AAK1: variants seen among roughly 807,000 people sequenced by gnomAD.
The protein encoded by AAK1 is AP2 associated kinase 1.
AAK1 carries 37 observed loss-of-function variants against 116.0 expected under a neutral mutation model. The observed-to-expected ratio is 0.32, with a 90% confidence interval of 0.25 to 0.42. AAK1 has a LOEUF of 0.42. Among genes scored for constraint, AAK1 ranks in the 10% least tolerant of loss-of-function variants. The pLI is 1.00. For synonymous variants in AAK1, 458 were observed against 439.9 expected (o/e 1.04, Z -0.51); for missense variants, 919 against 1,170.6 (o/e 0.79, Z 3.14).
At chr2:69,484,014 G>A (rs1017414572) in intron 17 of AAK1, among the ~76,000 whole-genome samples, 3 of 152,176 alleles carry the variant, frequency 2.0e-5, no homozygotes, top group Non-Finnish European at 4.4e-5. Flanking sequence ...GGAATTTAGA[G>A]CTCACATTTC....
chr2:69,643,041 C>A lies in AAK1; in HGVS notation c.-1G>T, dbSNP rs1273383948. On this transcript the variant is annotated 5_prime_UTR_variant, in exon 2 of 22. Transcript: ENST00000409085. ...GCCGGGAGTCGAAAAACTTCTTCATCTTGCGAATAGGGAGCAGCAAAGCAA... is the reference window on the plus strand; with the variant it reads ...GCCGGGAGTCGAAAAACTTCTTCATATTGCGAATAGGGAGCAGCAAAGCAA... The A allele has an allele frequency of 3.8e-6, 6 of 1,596,368 alleles. No homozygotes were observed. Among genetic ancestry groups the A allele is most frequent in the Non-Finnish European group, 5.1e-6 (6 of 1,172,736 alleles).
In AAK1 at chr2:69,475,073, T is replaced by C. The variant is rs1674803428; in HGVS notation, c.*796A>G. 7.1e-6 allele frequency: 7 copies of C among 980,072 alleles called. No homozygotes were observed. Among genetic ancestry groups the C allele is most frequent in the Non-Finnish European group, 8.4e-6 (7 of 829,190 alleles). 60.7% of individuals were successfully genotyped at this position (980,072 alleles called of 1,614,324 possible). ...GAGATCCCACTTGGAACAGTTAACA[T>C]GAAAAGGAATGGCAATACTTGGGAT... On this transcript the variant is annotated 3_prime_UTR_variant, in exon 22 of 22. Transcript: ENST00000409085.
intron 2 of AAK1, among the ~76,000 whole-genome samples, chr2:69,632,291 CA>C (rs1675220308): frequency 6.6e-6 from 1 of 152,204 alleles, no homozygotes; most frequent in African/African-American, 2.4e-5. Context: ...TTCTCTAAAA[CA>C]GGCAATTTTG....
intron 2 of AAK1, chr2:69,598,513 TTTC>T (rs1367604194): frequency 1.3e-5 from 2 of 159,266 alleles, no homozygotes; most frequent in East Asian, 1.8e-4. Flanking sequence ...ACGTTTTCTT[TTTC>T]TTTTTTTTTT....
intron 10 of AAK1, among the ~76,000 whole-genome samples, chr2:69,524,806 C>T (rs892856969): frequency 2.6e-5 from 4 of 152,216 alleles, no homozygotes; most frequent in African/African-American, 9.7e-5. Flanking sequence ...GCAAAGAAAA[C>T]AGCTTCAGAG....
rs146252453 is a variant in AAK1, at chr2:69,638,048, C to G, written c.163+4830G>C. Among the ~76,000 whole-genome samples the G allele has an allele frequency of 6.6e-5, 10 of 152,304 alleles. No homozygotes were observed. In the East Asian group the frequency reaches 1.9e-3, roughly 29 times the overall value. ...GCAAAGCTACAACCGTCATCATGCC[C>G]AAAGCCAGGAAGAAGACACCATTCA... is the stretch of plus-strand genomic sequence containing the variant. On this transcript the variant is annotated intron_variant, in intron 2 of 21. Coordinates refer to ENST00000409085, the MANE Select transcript of AAK1 (RefSeq NM_014911.5).
At chr2:69,628,395 A>G (rs967161611) in intron 2 of AAK1, among the ~76,000 whole-genome samples, 14 of 152,124 alleles carry the variant, frequency 9.2e-5, no homozygotes, top group African/African-American at 3.1e-4. Flanking sequence ...CACAGAACTT[A>G]AAAACCATGT....
At chr2:69,623,208 C>T (rs1333173777) in intron 2 of AAK1, among the ~76,000 whole-genome samples, 6 of 152,092 alleles carry the variant, frequency 3.9e-5, no homozygotes, top group African/African-American at 1.2e-4. Context: ...TGAACACATC[C>T]GAACATCAGA....
chr2:69,629,168 T>C (rs1665831335), intron 2 of AAK1, among the ~76,000 whole-genome samples: 1 of 152,216 alleles, frequency 6.6e-6, no homozygotes, highest in Non-Finnish European at 1.5e-5. Flanking sequence ...AATCTATGCA[T>C]TTTCAAATTA....
chr2:69,587,062 G>C (rs1672798078), intron 2 of AAK1, among the ~76,000 whole-genome samples: 1 of 151,610 alleles, frequency 6.6e-6, no homozygotes, highest in African/African-American at 2.4e-5. Flanking sequence ...AAGCAAACCT[G>C]CCTCATTTCT....
chr2:69,484,668 C>T (rs1380383453), intron 17 of AAK1, among the ~76,000 whole-genome samples: 1 of 151,806 alleles, frequency 6.6e-6, no homozygotes, highest in Non-Finnish European at 1.5e-5. Context: ...GTAGTGCATG[C>T]CTATAGTCCC....
chr2:69,495,311 C>T (rs1284180133), intron 17 of AAK1, among the ~76,000 whole-genome samples: 1 of 152,138 alleles, frequency 6.6e-6, no homozygotes, highest in Non-Finnish European at 1.5e-5. Flanking sequence ...TCTTTCAGAA[C>T]ACATCAACCA....
Position 69,473,685 on chromosome 2 carries a change from CAATTA to C in AAK1, c.*2179_*2183del, listed in dbSNP as rs1674754832. 9 of 965,708 alleles carry C rather than the reference CAATTA, an allele frequency of 9.3e-6. No homozygotes were observed. The highest frequency in any genetic ancestry group is 1.1e-5 in the Non-Finnish European group (9 of 811,880). The allele number at this position is 965,708 out of a possible 1,614,324, so 59.8% of individuals were successfully genotyped here. On this transcript the variant is annotated 3_prime_UTR_variant, in exon 22 of 22. Transcript: ENST00000409085. ...TTCTAAACTGTACTCTTCATAGTTT[CAATTA>C]AATTGAGAAACTAGATATTTCATTA...
chr2:69,627,296 GAA>G (rs202013778), intron 2 of AAK1, among the ~76,000 whole-genome samples: 7 of 95,114 alleles, frequency 7.4e-5, no homozygotes, highest in Admixed American at 4.0e-4. Context: ...CTCAAAAAGA[GAA>G]AAAAAAAAAA....
At chr2:69,500,425 T>A (rs1469423728) in intron 16 of AAK1, 1 of 151,922 alleles carries the variant, frequency 6.6e-6, no homozygotes, top group Non-Finnish European at 1.5e-5. Context: ...ATGAGATTCC[T>A]GAGATGTGGT....
At position 69,465,253 on chromosome 2, in the gene AAK1, C is replaced by T. The variant is rs1674449421; in HGVS notation, c.*10616G>A. The T allele has an allele frequency of 2.1e-6, 1 of 469,288 alleles. No homozygotes were observed. Among genetic ancestry groups the T allele is most frequent in the African/African-American group, 2.1e-5 (1 of 48,750 alleles). 29.1% of individuals were successfully genotyped at this position (469,288 alleles called of 1,614,324 possible). ...AAATGAACATAACTTAAAGGGGCTT[C>T]AACTAAATATCACTGCAACTGAGTT... is the stretch of plus-strand genomic sequence containing the variant. On this transcript the variant is annotated 3_prime_UTR_variant, in exon 22 of 22. Transcript: ENST00000409085.
intron 2 of AAK1, among the ~76,000 whole-genome samples, chr2:69,623,050 C>G (rs947258291): frequency 2.0e-5 from 3 of 152,106 alleles, no homozygotes; most frequent in African/African-American, 4.8e-5. Flanking sequence ...ACCGTGGAAG[C>G]TTTGTTCTTT....
intron 2 of AAK1, among the ~76,000 whole-genome samples, chr2:69,633,750 A>G (rs754066623): frequency 3.9e-5 from 6 of 152,166 alleles, no homozygotes; most frequent in Non-Finnish European, 7.4e-5. Flanking sequence ...AGTTTCTGAT[A>G]TTTTGTTACA....
At chr2:69,510,868 A>G (rs926655358) in intron 13 of AAK1, among the ~76,000 whole-genome samples, 1 of 152,226 alleles carries the variant, frequency 6.6e-6, no homozygotes, top group Non-Finnish European at 1.5e-5. Context: ...AAGAAAAAAA[A>G]GGTCCTGATG....
Sources: allele counts gnomAD v4.1 joint callset (sites outside exome capture counted in the v4.1 genomes callset), GRCh38; gene constraint gnomAD v4.1.1; transcripts MANE v1.5; gene names NCBI Gene and HGNC (gene_info 2026-07-23, HGNC 2026-07-21).